COG2: variants seen among roughly 807,000 people sequenced by gnomAD.
COG2 encodes component of oligomeric golgi complex 2, also known as conserved oligomeric Golgi complex subunit 2.
Under a neutral mutation model 90.6 loss-of-function variants are expected in COG2, and 52 were observed. The observed-to-expected ratio is 0.57, with a 90% CI of 0.46 to 0.72. The LOEUF (loss-of-function observed/expected upper bound fraction) is 0.72, where lower values mean the gene tolerates loss of function less well. Ranked by LOEUF, COG2 falls within the 30% of genes least tolerant of loss-of-function variation. COG2 has a pLI of 0.00. For synonymous variants in COG2, 337 were observed against 320.4 expected (o/e 1.05, Z -0.55); for missense variants, 829 against 891.2 (o/e 0.93, Z 0.89).
intron 1 of COG2, among the ~76,000 whole-genome samples, chr1:230,656,018 A>G (rs924983767): frequency 3.3e-5 from 5 of 152,106 alleles, no homozygotes; most frequent in South Asian, 4.2e-4. Flanking sequence ...CTAGAGGTCT[A>G]TCTATTTTGT....
intron 3 of COG2, chr1:230,661,188 T>C (rs1407851652): frequency 6.4e-6 from 1 of 156,908 alleles, no homozygotes; most frequent in African/African-American, 2.4e-5. Context: ...GTTTTACAAA[T>C]ATTTTCCCAA....
At chr1:230,687,161 G>C (rs1233817660) in intron 13 of COG2, 29 bp downstream of exon 13, 1 of 1,582,702 alleles carries the variant, frequency 6.3e-7, no homozygotes, top group South Asian at 1.2e-5. Context: ...ATAATTCCAG[G>C]TGCTTGGTTT....
chr1:230,665,640 C>T (rs951891010), intron 5 of COG2, among the ~76,000 whole-genome samples: 1 of 152,202 alleles, frequency 6.6e-6, no homozygotes, highest in Non-Finnish European at 1.5e-5. Context: ...TCTCTACTTT[C>T]TTTCCTGATC....
intron 1 of COG2, among the ~76,000 whole-genome samples, chr1:230,651,410 GTTAGTCATT>G (rs1310070850): frequency 1.3e-5 from 2 of 152,132 alleles, no homozygotes; most frequent in Non-Finnish European, 2.9e-5. Flanking sequence ...GTTCTCTTGT[GTTAGTCATT>G]GTTTGCCATC....
At position 230,642,696 on chromosome 1, in the gene COG2, T is replaced by C. The variant is rs1237415384; in HGVS notation, c.72+18T>C. The C allele has an allele frequency of 1.2e-6, 2 of 1,608,608 alleles. No homozygotes were observed. The highest frequency in any genetic ancestry group is 2.2e-5 in the South Asian group (2 of 89,736). ...TCATGAAGGTGCGCGCGGCGTCCGC[T>C]CCCCGGAGCCGGGCCATGAGGGTGC... On this transcript the variant is annotated intron_variant, in intron 1 of 17. Transcript: ENST00000366669.
At chr1:230,655,450 A>G (rs1296715920) in intron 1 of COG2, among the ~76,000 whole-genome samples, 1 of 152,170 alleles carries the variant, frequency 6.6e-6, no homozygotes, top group East Asian at 1.9e-4. Context: ...GATGAAGCCA[A>G]CTTGATTGTG....
At chr1:230,678,542 C>A in intron 9 of COG2, 10 of 1,156,284 alleles carry the variant, frequency 8.6e-6, no homozygotes, top group South Asian at 1.9e-5. Flanking sequence ...AGAATTTTCT[C>A]CTTCTTTCTC....
Position 230,691,483 on chromosome 1 carries a change from C to T in COG2, c.2034C>T (p.Pro678=), listed in dbSNP as rs575955728. Residue 678 remains proline (P), a synonymous_variant, in exon 17 of 18, where the codon CCC becomes CCT. Coordinates refer to ENST00000366669, the MANE Select transcript of COG2 (RefSeq NM_007357.3). ...KQARKTTPAN[P]VGPSGGMSDD... ...CCAGAAAAACCACTCCCGCCAACCC[C>T]GTCGGTCCCAGTGGTGGCATGAGCG... 2.9e-5 allele frequency: 47 copies of T among 1,614,136 alleles called. No homozygotes were observed. The highest frequency in any genetic ancestry group is 2.6e-4 in the South Asian group (24 of 91,080).
intron 17 of COG2, 34 bp from the exon 18 acceptor site, chr1:230,693,258 G>A: frequency 8.1e-7 from 1 of 1,240,810 alleles, no homozygotes; most frequent in Non-Finnish European, 1.2e-6. Flanking sequence ...AGCTTGAATT[G>A]CAGTAACATA....
At position 230,688,569 on chromosome 1, in the gene COG2, G is replaced by A. The variant is rs534538161; in HGVS notation, c.1794+7G>A. ...TTACCGAAGAACCAATAAGGTCAGCGCCATTTATGGGAGAGAATTTTGAGG... is the reference window on the plus strand; with the variant it reads ...TTACCGAAGAACCAATAAGGTCAGCACCATTTATGGGAGAGAATTTTGAGG... On this transcript the variant is annotated splice_region_variant and intron_variant, in intron 15 of 17. Transcript: ENST00000366669. 59 of 1,613,742 alleles carry A rather than the reference G, an allele frequency of 3.7e-5. No homozygotes were observed. In the South Asian group the frequency reaches 4.5e-4, roughly 12 times the overall value.
intron 5 of COG2, among the ~76,000 whole-genome samples, chr1:230,666,320 CCTT>C (rs779742549): frequency 5.3e-5 from 8 of 152,110 alleles, no homozygotes; most frequent in African/African-American, 1.9e-4. Flanking sequence ...AACTTCATCT[CCTT>C]CTGGCGTTCA....
intron 1 of COG2, among the ~76,000 whole-genome samples, chr1:230,656,259 C>T (rs916333982): frequency 6.6e-6 from 1 of 152,080 alleles, no homozygotes; most frequent in Non-Finnish European, 1.5e-5. Context: ...TATAAAGTTC[C>T]CTCTACACAC....
intron 12 of COG2, among the ~76,000 whole-genome samples, chr1:230,685,933 T>TA (rs1662875125): frequency 6.6e-6 from 1 of 152,164 alleles, no homozygotes; most frequent in Admixed American, 6.5e-5. Context: ...AGATGTGTTC[T>TA]AAAAAATAAA....
intron 9 of COG2, among the ~76,000 whole-genome samples, chr1:230,677,498 G>A (rs561406792): frequency 5.3e-5 from 8 of 152,262 alleles, no homozygotes; most frequent in African/African-American, 1.9e-4. Context: ...TAACAGGATT[G>A]TGCCATTTTC....
chr1:230,660,544 T>C (rs563755310), intron 2 of COG2, among the ~76,000 whole-genome samples: 1 of 152,200 alleles, frequency 6.6e-6, no homozygotes, highest in Non-Finnish European at 1.5e-5. Flanking sequence ...CTTATTTTTA[T>C]AGTTTTCATG....
At position 230,687,999 on chromosome 1, in the gene COG2, A is replaced by T. The variant is rs1662922309; in HGVS notation, c.1579-72A>T. 4.0e-6 allele frequency: 4 copies of T among 996,172 alleles called. No individual in the cohort carries two copies. In the Admixed American group the frequency reaches 1.1e-4, roughly 28 times the overall value. 61.7% of individuals were successfully genotyped at this position (996,172 alleles called of 1,614,324 possible). On this transcript the variant is annotated intron_variant, in intron 13 of 17. Coordinates refer to ENST00000366669, the MANE Select transcript of COG2 (RefSeq NM_007357.3). ...CATTAGCAAATTCTAGAGTTTGTAG[A>T]TGCAAATAGAATTGCCTCTTCCTTT...
At chr1:230,661,872 A>C (rs79404109) in intron 3 of COG2, among the ~76,000 whole-genome samples, 3 of 152,232 alleles carry the variant, frequency 2.0e-5, no homozygotes, top group Admixed American at 1.3e-4. Flanking sequence ...GAAGGAAAAT[A>C]GTTTTTGTGA....
chr1:230,689,505 T>C (rs1380405396), intron 15 of COG2, among the ~76,000 whole-genome samples: 1 of 152,246 alleles, frequency 6.6e-6, no homozygotes, highest in Non-Finnish European at 1.5e-5. Context: ...CATTTGCAGA[T>C]GAAGAAACCA....
intron 11 of COG2, among the ~76,000 whole-genome samples, chr1:230,683,950 C>T (rs1202477889): frequency 6.6e-6 from 1 of 151,912 alleles, no homozygotes. Flanking sequence ...CACCACCACG[C>T]CTAGTTAATT....
Sources: gnomAD v4.1 joint callset for allele counts (sites outside exome capture counted in the v4.1 genomes callset) on GRCh38, gnomAD v4.1.1 for gene constraint, MANE v1.5 for transcripts, NCBI Gene and HGNC (gene_info 2026-07-23, HGNC 2026-07-21) for gene names.